RBM6: variants seen among roughly 807,000 people sequenced by gnomAD.
RBM6 encodes RNA binding motif protein 6, also known as RNA-binding protein 6.
Under a neutral mutation model 140.4 loss-of-function variants are expected in RBM6, and 23 were observed. That is an observed-to-expected ratio of 0.16 (90% CI 0.12 to 0.23). RBM6 has a LOEUF of 0.23. Among genes scored for constraint, RBM6 ranks in the 10% least tolerant of loss-of-function variants. RBM6 has a pLI of 1.00. For synonymous variants in RBM6, 439 were observed against 475.6 expected, an observed-to-expected ratio of 0.92 and a Z score of 1.00; for missense variants, 1,139 against 1,386.7, an observed-to-expected ratio of 0.82 and a Z score of 2.84.
intron 6 of RBM6, among the ~76,000 whole-genome samples, chr3:50,036,309 G>A (rs2088534976): frequency 6.6e-6 from 1 of 152,198 alleles, no homozygotes; most frequent in Admixed American, 6.5e-5. Flanking sequence ...GCATCCAAGG[G>A]TTACGTCTGT....
intron 16 of RBM6, chr3:50,065,633 G>A (rs1278253734): frequency 2.2e-6 from 1 of 456,852 alleles, no homozygotes; most frequent in African/African-American, 2.0e-5. Flanking sequence ...TTGAATGCAG[G>A]TATATAACAA....
chr3:49,964,798 AG>A (rs2084434711), intron 2 of RBM6, among the ~76,000 whole-genome samples: 1 of 152,208 alleles, frequency 6.6e-6, no homozygotes, highest in African/African-American at 2.4e-5. Flanking sequence ...CAGAAATGTT[AG>A]GTTAATTTAG....
chr3:49,945,860 C>A (rs932786008), intron 1 of RBM6, among the ~76,000 whole-genome samples: 4 of 121,846 alleles, frequency 3.3e-5, no homozygotes, highest in Non-Finnish European at 6.3e-5. Flanking sequence ...CCAGCCTGGG[C>A]GACAGAGCGA....
intron 6 of RBM6, among the ~76,000 whole-genome samples, chr3:50,021,305 C>G (rs2087468822): frequency 6.6e-6 from 1 of 152,126 alleles, no homozygotes; most frequent in East Asian, 1.9e-4. Context: ...GGTTTTATAA[C>G]TCTTTAACTT....
At chr3:50,030,951 G>C (rs1428511302) in intron 6 of RBM6, among the ~76,000 whole-genome samples, 3 of 152,116 alleles carry the variant, frequency 2.0e-5, no homozygotes, top group African/African-American at 7.2e-5. Flanking sequence ...GAATGGTAAA[G>C]GGGTATAAAA....
Position 49,967,626 on chromosome 3 carries a change from T to C in RBM6, c.201T>C (p.Asn67=). 2 of 1,613,980 alleles carry C rather than the reference T, an allele frequency of 1.2e-6. No individual in the cohort carries two copies. Among genetic ancestry groups the C allele is most frequent in the Non-Finnish European group, 8.5e-7 (1 of 1,179,992 alleles). ...FQGHSGPPFA[N]VEEHSFSYGA... is the part of the protein sequence containing the mutation. ...GGCATTCGGGGCCTCCTTTTGCAAA[T>C]GTAGAGGAGCATTCTTTCAGCTATG... The change falls in exon 3 of 21, where the codon AAT becomes AAC. Residue 67 remains asparagine (N), a synonymous_variant. Transcript: ENST00000266022. The surrounding 1 kb of genome is among the most constrained non-coding windows in gnomAD (Gnocchi z 4.0).
At position 50,058,529 on chromosome 3, in the gene RBM6, T is replaced by C. The variant is rs977456954; in HGVS notation, c.2097T>C (p.His699=). 7 of 1,611,336 alleles carry C rather than the reference T, an allele frequency of 4.3e-6. No homozygotes were observed. Among genetic ancestry groups the C allele is most frequent in the Non-Finnish European group, 5.9e-6 (7 of 1,177,602 alleles). ...AGAACAGAACAGGCCCTATGGGGCA[T>C]ACCTATGGCTTTATTGACCTCGACT... ...IIKNRTGPMG[H]TYGFIDLDSH... Residue 699 remains histidine, a synonymous_variant, in exon 10 of 21, where the codon CAT becomes CAC. Transcript: ENST00000266022.
rs764751424 is a variant in RBM6, at chr3:49,968,007, T to C, written c.582T>C (p.Asp194=). The part of the protein sequence containing the change: ...DFRGRDGSHA[D]FRGRDLSDLD... ...GAGGCCGGGATGGATCCCATGCAGA[T>C]TTTAGGGGAAGGGATTTATCAGATT... is the stretch of plus-strand genomic sequence containing the variant. Residue 194 remains aspartate (D), a synonymous_variant, in exon 3 of 21, where the codon GAT becomes GAC. Coordinates refer to ENST00000266022, the MANE Select transcript of RBM6 (RefSeq NM_005777.3). 3.7e-6 allele frequency: 6 copies of C among 1,614,038 alleles called. No individual in the cohort carries two copies. The highest frequency in any genetic ancestry group is 2.2e-5 in the East Asian group (1 of 44,884).
At chr3:50,076,522 C>T (rs892928234) in intron 20 of RBM6, among the ~76,000 whole-genome samples, 14 of 151,392 alleles carry the variant, frequency 9.2e-5, no homozygotes, top group Non-Finnish European at 5.9e-5. Flanking sequence ...GCAGAGGTTG[C>T]AGTGAGCCAA....
At chr3:49,953,590 G>A (rs978625206) in intron 1 of RBM6, among the ~76,000 whole-genome samples, 12 of 146,102 alleles carry the variant, frequency 8.2e-5, no homozygotes, top group African/African-American at 3.1e-4. Flanking sequence ...CACAATCTCC[G>A]CTCACTGCAA....
chr3:50,076,905 T>A, intron 20 of RBM6, 103 bp from the exon 21 acceptor site: 2 of 1,167,178 alleles, frequency 1.7e-6, no homozygotes, highest in Non-Finnish European at 2.3e-6. Flanking sequence ...AAAATTATCC[T>A]ATATACTGCT....
chr3:50,061,193 T>C lies in RBM6; in HGVS notation c.2325T>C (p.Ser775=). The change falls in exon 13 of 21, where the codon TCT becomes TCC. Residue 775 remains serine (S), a synonymous_variant. Transcript: ENST00000266022. Reference sequence around the variant, plus strand: ...GAGGTGGCAGAAATTCAGACTGGTCTTCAGATACAAATCGACAAGGACAAC... The same window carrying C: ...GAGGTGGCAGAAATTCAGACTGGTCCTCAGATACAAATCGACAAGGACAAC... ...RRGGGRNSDW[S]SDTNRQGQQS... The C allele has an allele frequency of 1.9e-6, 3 of 1,614,228 alleles. No homozygotes were observed. The highest frequency in any genetic ancestry group is 2.5e-6 in the Non-Finnish European group (3 of 1,180,030).
Position 50,070,123 on chromosome 3 carries a change from G to A in RBM6, c.3019-332G>A, listed in dbSNP as rs527933075. On this transcript the variant is annotated intron_variant, in intron 18 of 20. Coordinates refer to ENST00000266022, the MANE Select transcript of RBM6 (RefSeq NM_005777.3). ...TGTAATCCCAGCACTTTGGGAGGCC[G>A]AGGCTGGTGGATCATGAGGTCAGGA... is the stretch of plus-strand genomic sequence containing the variant. Among the ~76,000 whole-genome samples, 5 of 152,218 alleles carry A rather than the reference G, an allele frequency of 3.3e-5. No homozygotes were observed. The South Asian group carries it at 6.2e-4, about 19-fold the overall frequency.
chr3:50,068,076 AAG>A (rs1279077740), intron 17 of RBM6, among the ~76,000 whole-genome samples: 1 of 152,224 alleles, frequency 6.6e-6, no homozygotes, highest in Admixed American at 6.5e-5. Flanking sequence ...ATCGTCAGGA[AAG>A]AGGAGCCACA....
At chr3:49,986,361 G>A (rs906744213) in intron 5 of RBM6, among the ~76,000 whole-genome samples, 9 of 151,512 alleles carry the variant, frequency 5.9e-5, no homozygotes, top group African/African-American at 1.7e-4. Flanking sequence ...TTGGGAGGCC[G>A]AGGCAAGCGG....
chr3:50,006,384 C>T (rs2086576159), intron 6 of RBM6, among the ~76,000 whole-genome samples: 1 of 152,014 alleles, frequency 6.6e-6, no homozygotes, highest in African/African-American at 2.4e-5. Context: ...GATCCGCCCG[C>T]CTCGGCCTCC....
intron 5 of RBM6, among the ~76,000 whole-genome samples, 166 bp from the exon 6 acceptor site, chr3:49,999,274 A>C (rs1242672179): frequency 6.6e-6 from 1 of 152,038 alleles, no homozygotes; most frequent in East Asian, 1.9e-4. Context: ...ACTTTTCTTC[A>C]ATACTTTTTT....
intron 6 of RBM6, among the ~76,000 whole-genome samples, chr3:50,017,313 TTTG>T (rs2087216428): frequency 6.6e-6 from 1 of 152,130 alleles, no homozygotes; most frequent in Non-Finnish European, 1.5e-5. Context: ...ATCCCAACAC[TTTG>T]GGAGGCCGAG....
At chr3:49,962,150 TAAA>T (rs66697775) in intron 1 of RBM6, among the ~76,000 whole-genome samples, 20 of 112,448 alleles carry the variant, frequency 1.8e-4, no homozygotes, top group Admixed American at 2.0e-4. Context: ...CTCCATCTCT[TAAA>T]AAAAAAAAAA....
Sources: allele counts gnomAD v4.1 joint callset (sites outside exome capture counted in the v4.1 genomes callset), GRCh38; gene constraint gnomAD v4.1.1; non-coding constraint Gnocchi (gnomAD v3.1); transcripts MANE v1.5; gene names NCBI Gene and HGNC (gene_info 2026-07-23, HGNC 2026-07-21).